CAMKK2: variants seen among roughly 807,000 people sequenced by gnomAD.
CAMKK2 encodes calcium/calmodulin dependent protein kinase kinase 2.
CAMKK2 carries 30 observed loss-of-function variants against 67.2 expected under a neutral mutation model. The ratio of observed to expected loss-of-function variants is 0.45; its 90% CI spans 0.33 to 0.61. The LOEUF is 0.61. CAMKK2 is among the 20% of genes least tolerant of loss of function. The probability of loss-of-function intolerance (pLI) is 0.02; values close to 1 mark genes in which losing one functional copy is unlikely to be tolerated. For synonymous variants in CAMKK2, 322 were observed against 326.2 expected, an observed-to-expected ratio of 0.99 and a Z score of 0.14; for missense variants, 643 against 802.0, an observed-to-expected ratio of 0.80 and a Z score of 2.39.
At position 121,255,617 on chromosome 12, in the gene CAMKK2, G is replaced by T; in HGVS notation, c.840C>A (p.Thr280=). The T allele has an allele frequency of 1.2e-6, 2 of 1,612,852 alleles. No homozygotes were observed. Among genetic ancestry groups the T allele is most frequent in the Non-Finnish European group, 1.7e-6 (2 of 1,179,732 alleles). The change falls in exon 9 of 17, where the codon ACC becomes ACA. Residue 280 remains threonine, a synonymous_variant. Coordinates refer to ENST00000404169, the MANE Select transcript of CAMKK2 (RefSeq NM_001270485.2). ...CCTGGTCTTCAGAGAGTGGTTTGAG[G>T]GTGGGCACTTCCATCACGGGCCTGA... ...VNQGPVMEVP[T]LKPLSEDQAR...
At chr12:121,264,004 CAGGTGGGATGCCAAA>C (rs545437413) in intron 5 of CAMKK2, 65 bp from the exon 6 acceptor site, 10 of 1,431,654 alleles carry the variant, frequency 7.0e-6, no homozygotes, top group African/African-American at 5.7e-5. Flanking sequence ...AGGGCAGCTG[CAGGTGGGATGCCAAA>C]AGGTGGGATG....
Position 121,274,045 on chromosome 12 carries a change from G to A in CAMKK2, c.471+11C>T, listed in dbSNP as rs200797099. The A allele has an allele frequency of 4.8e-5, 71 of 1,472,424 alleles. No homozygotes were observed. The East Asian group carries it at 1.1e-3, about 24-fold the overall frequency. 91.2% of individuals were successfully genotyped at this position (1,472,424 alleles called of 1,614,324 possible). A position where few individuals can be genotyped will look rare whatever the true frequency, so the allele number is the denominator to read the frequency against. On this transcript the variant is annotated intron_variant, in intron 2 of 16. Transcript: ENST00000404169. ...GACCCCTAGGACCTGGCTCACCACCGGCTCACGCACCTGCATACCCGTGAT... is the reference window on the plus strand; with the variant it reads ...GACCCCTAGGACCTGGCTCACCACCAGCTCACGCACCTGCATACCCGTGAT...
Position 121,281,818 on chromosome 12 carries a change from C to T in CAMKK2, c.-59-7233G>A, listed in dbSNP as rs570199074. ...AAAAATAGCCAGGTGTGGTGGCGGG[C>T]GCCTGTAATCTCAGCTACTTGGGAG... On this transcript the variant is annotated intron_variant, in intron 1 of 16. Transcript: ENST00000404169. Among the ~76,000 whole-genome samples, 16 of 152,216 alleles carry T rather than the reference C, an allele frequency of 1.1e-4. No homozygotes were observed. In the East Asian group the frequency reaches 2.3e-3, roughly 22 times the overall value.
chr12:121,254,088 C>G (rs1463274499), intron 9 of CAMKK2, among the ~76,000 whole-genome samples: 1 of 152,154 alleles, frequency 6.6e-6, no homozygotes, highest in African/African-American at 2.4e-5. Flanking sequence ...AGGGGCCCGG[C>G]CCTGCGTTGT....
chr12:121,253,594 C>T lies in CAMKK2; in HGVS notation c.908-122G>A, dbSNP rs927925296. 7.5e-5 allele frequency: 62 copies of T among 822,218 alleles called. No homozygotes were observed. The highest frequency in any genetic ancestry group is 5.3e-4 in the Admixed American group (26 of 49,266). 50.9% of individuals were successfully genotyped at this position (822,218 alleles called of 1,614,324 possible). A position where few individuals can be genotyped will look rare whatever the true frequency, so the allele number is the denominator to read the frequency against. ...CCTCTGATGCCTTGTCTCCCACAGC[C>T]CCAGGCCTTTTCCAACCTTCCACTC... On this transcript the variant is annotated intron_variant, in intron 9 of 16. Transcript: ENST00000404169. This position sits in a 1 kb window ranked among gnomAD's most constrained non-coding sequence, Gnocchi z 5.0.
rs1319101579 is a variant in CAMKK2, at chr12:121,296,078, G to T, written c.-60+560C>A. On this transcript the variant is annotated intron_variant, in intron 1 of 16. Transcript: ENST00000404169. This position sits in a 1 kb window ranked among gnomAD's most constrained non-coding sequence, Gnocchi z 7.1. ...CGGCTGAGAGAAGAGGTGCGGTGGGGGTGGTCAAAGGGCAGACCGAAGACA... is the reference window on the plus strand; with the variant it reads ...CGGCTGAGAGAAGAGGTGCGGTGGGTGTGGTCAAAGGGCAGACCGAAGACA... 6.6e-6 allele frequency among the ~76,000 whole-genome samples: 1 copy of T among 152,186 alleles called. No individual in the cohort carries two copies. Among genetic ancestry groups the T allele is most frequent in the Non-Finnish European group, 1.5e-5 (1 of 68,020 alleles).
intron 1 of CAMKK2, among the ~76,000 whole-genome samples, chr12:121,286,986 G>A (rs1487685908): frequency 6.6e-6 from 1 of 152,122 alleles, no homozygotes; most frequent in East Asian, 1.9e-4. Flanking sequence ...GTTCACTGCA[G>A]CCTCGAACTC....
Position 121,240,980 on chromosome 12 carries a change from C to A in CAMKK2, c.1597-111G>T. The A allele has an allele frequency of 9.6e-7, 1 of 1,037,904 alleles. No homozygotes were observed. The allele number at this position is 1,037,904 out of a possible 1,614,324, so 64.3% of individuals were successfully genotyped here. Reference sequence around the variant, plus strand: ...TGCCCAAGTGGGCCGTCGCGCACCCCCTGGAACGTGATCTACGTAACCCAG... The same window carrying A: ...TGCCCAAGTGGGCCGTCGCGCACCCACTGGAACGTGATCTACGTAACCCAG... On this transcript the variant is annotated intron_variant, in intron 16 of 16. Coordinates refer to ENST00000404169, the MANE Select transcript of CAMKK2 (RefSeq NM_001270485.2). This position sits in a 1 kb window ranked among gnomAD's most constrained non-coding sequence, Gnocchi z 4.4.
At chr12:121,288,805 GC>G (rs1480343528) in intron 1 of CAMKK2, among the ~76,000 whole-genome samples, 1 of 147,594 alleles carries the variant, frequency 6.8e-6, no homozygotes, top group East Asian at 2.1e-4. Context: ...CTCTGCAACT[GC>G]CATCTCTCAA....
intron 1 of CAMKK2, among the ~76,000 whole-genome samples, chr12:121,290,251 C>A (rs1899730238): frequency 6.6e-6 from 1 of 152,222 alleles, no homozygotes; most frequent in Non-Finnish European, 1.5e-5. Flanking sequence ...CCTGGCAAAG[C>A]TATCAGGACA....
In CAMKK2 at chr12:121,260,331, G is replaced by C. The variant is rs753777675; in HGVS notation, c.784C>G (p.His262Asp). 1.9e-6 allele frequency: 3 copies of C among 1,611,008 alleles called. No homozygotes were observed. Among genetic ancestry groups the C allele is most frequent in the Non-Finnish European group, 2.5e-6 (3 of 1,179,094 alleles). Residue 262 changes from histidine to aspartate, a missense_variant, in exon 7 of 17, where the codon CAT (histidine) becomes GAT (aspartate). Coordinates refer to ENST00000404169, the MANE Select transcript of CAMKK2 (RefSeq NM_001270485.2). ...VEVLDDPNED[H>D]LYMVFELVNQ... ...AGGGCTTCCTTACCCATGTACAGAT[G>C]GTCCTCATTGGGGTCATCCAGGACC...
At chr12:121,276,302 T>C (rs1047054987) in intron 1 of CAMKK2, among the ~76,000 whole-genome samples, 1 of 151,216 alleles carries the variant, frequency 6.6e-6, no homozygotes, top group South Asian at 2.1e-4. Flanking sequence ...ACCCCATCTC[T>C]ACTAAAAATA....
chr12:121,240,835 C>T lies in CAMKK2; in HGVS notation c.1631G>A (p.Arg544Gln). 1.9e-6 allele frequency: 3 copies of T among 1,612,456 alleles called. No homozygotes were observed. In the South Asian group the frequency reaches 3.3e-5, roughly 18 times the overall value. ...TCCTCCTCCCCCACGGGGGGCGGGTCGGTGCCCTGGAGGTTGTCTTCGCTG... is the reference window on the plus strand; with the variant it reads ...TCCTCCTCCCCCACGGGGGGCGGGTTGGTGCCCTGGAGGTTGTCTTCGCTG... ...ARQRRQPPGH[R>Q]PAPRGGGGSA... The change falls in exon 17 of 17, where the codon CGA becomes CAA. Residue 544 changes from arginine (R) to glutamine (Q), a missense_variant. Physicochemically the swap from Arg to Gln is conservative, Grantham distance 43. Coordinates refer to ENST00000404169, the MANE Select transcript of CAMKK2 (RefSeq NM_001270485.2). This position sits in a 1 kb window ranked among gnomAD's most constrained non-coding sequence, Gnocchi z 4.4.
At chr12:121,294,118 A>G (rs1226517630) in intron 1 of CAMKK2, among the ~76,000 whole-genome samples, 1 of 151,904 alleles carries the variant, frequency 6.6e-6, no homozygotes, top group Non-Finnish European at 1.5e-5. Context: ...TTTTTAGTAG[A>G]GATGGGGTTT....
intron 2 of CAMKK2, 25 bp from the exon 3 acceptor site, chr12:121,270,970 C>T (rs762440756): frequency 1.7e-5 from 27 of 1,608,130 alleles, no homozygotes; most frequent in Non-Finnish European, 2.3e-5. Flanking sequence ...GAGACACGTG[C>T]AAAATGAATT....
intron 1 of CAMKK2, among the ~76,000 whole-genome samples, chr12:121,292,742 A>C (rs1401566891): frequency 1.3e-5 from 2 of 152,146 alleles, no homozygotes; most frequent in Admixed American, 6.5e-5. Flanking sequence ...CTGAGCCTAG[A>C]GGATCACTTG....
At position 121,286,528 on chromosome 12, in the gene CAMKK2, T is replaced by TGTTTG. The variant is rs367546012; in HGVS notation, c.-60+10105_-60+10109dup. On this transcript the variant is annotated intron_variant, in intron 1 of 16. Transcript: ENST00000404169. ...ACCTTATGAGTTATAGATACTGTTT[T>TGTTTG]GTTTGGTTTGGTTTGGTTTGATTTG... Among the ~76,000 whole-genome samples, 1,052 of 152,250 alleles carry TGTTTG rather than the reference T, an allele frequency of 6.9e-3. 16 individuals are homozygous for TGTTTG. Among genetic ancestry groups the TGTTTG allele is most frequent in the African/African-American group, 0.024 (1,000 of 41,532 alleles).
At chr12:121,262,986 G>A (rs1039693349) in intron 6 of CAMKK2, among the ~76,000 whole-genome samples, 2 of 149,460 alleles carry the variant, frequency 1.3e-5, no homozygotes, top group African/African-American at 4.9e-5. Context: ...TTTTTTTTTA[G>A]AGACAGAGTT....
chr12:121,253,561 A>C lies in CAMKK2; in HGVS notation c.908-89T>G. 2.7e-6 allele frequency: 3 copies of C among 1,105,262 alleles called. No homozygotes were observed. In the South Asian group the frequency reaches 3.8e-5, roughly 14 times the overall value. The allele number at this position is 1,105,262 out of a possible 1,614,324, so 68.5% of individuals were successfully genotyped here. ...GGCCACATGGCCTGGAGACACAGGCATGGCACCCCTCTGATGCCTTGTCTC... is the reference window on the plus strand; with the variant it reads ...GGCCACATGGCCTGGAGACACAGGCCTGGCACCCCTCTGATGCCTTGTCTC... On this transcript the variant is annotated intron_variant, in intron 9 of 16. Coordinates refer to ENST00000404169, the MANE Select transcript of CAMKK2 (RefSeq NM_001270485.2). This position sits in a 1 kb window ranked among gnomAD's most constrained non-coding sequence, Gnocchi z 5.0.
Sources: gnomAD v4.1 joint callset for allele counts (sites outside exome capture counted in the v4.1 genomes callset) on GRCh38, gnomAD v4.1.1 for gene constraint, Gnocchi (gnomAD v3.1) non-coding constraint, MANE v1.5 for transcripts, NCBI Gene and HGNC (gene_info 2026-07-23, HGNC 2026-07-21) for gene names.